MTUS2: variants seen among roughly 807,000 people sequenced by gnomAD.
The protein encoded by MTUS2 is microtubule associated scaffold protein 2, also known as microtubule-associated tumor suppressor candidate 2.
Under a neutral mutation model 114.1 loss-of-function variants are expected in MTUS2, and 40 were observed. That is an observed-to-expected ratio of 0.35 (90% CI 0.27 to 0.46). The LOEUF (loss-of-function observed/expected upper bound fraction) is 0.46, where lower values mean the gene tolerates loss of function less well. MTUS2 is among the 20% of genes least tolerant of loss of function. MTUS2 has a pLI of 1.00. For synonymous variants in MTUS2, 688 were observed against 672.0 expected, an observed-to-expected ratio of 1.02 and a Z score of -0.37; for missense variants, 1,679 against 1,705.4, an observed-to-expected ratio of 0.98 and a Z score of 0.27.
chr13:28,986,908 T>C (rs1264499412), intron 2 of MTUS2, among the ~76,000 whole-genome samples: 2 of 152,218 alleles, frequency 1.3e-5, no homozygotes, highest in African/African-American at 4.8e-5. Flanking sequence ...GGCTTCTGTA[T>C]TGGACACCAC....
chr13:29,030,740 A>G (rs1489668442), intron 3 of MTUS2, among the ~76,000 whole-genome samples: 1 of 152,122 alleles, frequency 6.6e-6, no homozygotes, highest in East Asian at 1.9e-4. Context: ...TTTTTTTTAA[A>G]TAAAATGAGA....
chr13:29,187,895 T>C (rs1369284612), intron 5 of MTUS2, among the ~76,000 whole-genome samples: 6 of 152,076 alleles, frequency 3.9e-5, no homozygotes, highest in African/African-American at 2.4e-5. Context: ...CCCAAACCTC[T>C]CCCATCTGTT....
At chr13:29,471,553 TGC>T (rs1880299416) in intron 9 of MTUS2, among the ~76,000 whole-genome samples, 2 of 151,908 alleles carry the variant, frequency 1.3e-5, no homozygotes, top group South Asian at 4.1e-4. Flanking sequence ...CCTTGCCCAC[TGC>T]TGCGGGAGAC....
At chr13:29,323,297 T>A (rs560222419) in intron 6 of MTUS2, among the ~76,000 whole-genome samples, 13 of 151,832 alleles carry the variant, frequency 8.6e-5, no homozygotes, top group Non-Finnish European at 1.6e-4. Context: ...TCTCCCAGGC[T>A]GGAGTGCAGT....
intron 8 of MTUS2, among the ~76,000 whole-genome samples, chr13:29,404,974 T>C (rs1371555050): frequency 1.3e-5 from 2 of 152,246 alleles, no homozygotes; most frequent in Admixed American, 6.5e-5. Flanking sequence ...TGACAAGTTC[T>C]TTTTATTTAA....
chr13:29,025,886 C>G lies in MTUS2; in HGVS notation c.1188C>G (p.Pro396=), dbSNP rs775953532. The change falls in exon 3 of 16, where the codon CCC becomes CCG. Residue 396 remains proline (P), a synonymous_variant. Coordinates refer to ENST00000612955, the MANE Select transcript of MTUS2 (RefSeq NM_001033602.4). The part of the protein sequence containing the change: ...PGEQDSLHTT[P]KQGSASLGGA... ...AGCAGGATTCTCTCCACACCACCCC[C>G]AAACAGGGCTCTGCTTCCTTAGGAG... The G allele has an allele frequency of 6.2e-6, 10 of 1,613,354 alleles. No homozygotes were observed. Among genetic ancestry groups the G allele is most frequent in the Admixed American group, 1.7e-5 (1 of 59,916 alleles).
intron 5 of MTUS2, among the ~76,000 whole-genome samples, chr13:29,194,121 G>T (rs28890204): frequency 0.083 from 12,527 of 150,148 alleles, 670 homozygotes; most frequent in African/African-American, 0.14. Flanking sequence ...TTAAACGTTA[G>T]ACCTAAAACC....
intron 5 of MTUS2, among the ~76,000 whole-genome samples, chr13:29,138,705 G>C (rs889863839): frequency 1.4e-5 from 2 of 148,038 alleles, no homozygotes; most frequent in Non-Finnish European, 1.5e-5. Context: ...TTTTTATATG[G>C]GTAAAATTTA....
At chr13:28,960,587 A>G (rs891149709) in intron 2 of MTUS2, among the ~76,000 whole-genome samples, 1 of 152,246 alleles carries the variant, frequency 6.6e-6, no homozygotes, top group Non-Finnish European at 1.5e-5. Flanking sequence ...GCTGAGTAAA[A>G]GAAGCCAGAC....
Position 29,371,981 on chromosome 13 carries a change from C to CA in MTUS2, c.3117+12508_3117+12509insA, listed in dbSNP as rs111990546. On this transcript the variant is annotated intron_variant, in intron 8 of 15. Coordinates refer to ENST00000612955, the MANE Select transcript of MTUS2 (RefSeq NM_001033602.4). ...CTTAAGTGTCCTCAACCCCCGCCCC[C>CA]CCCCCCACACACACACACAAGCACA... 3.7e-5 allele frequency among the ~76,000 whole-genome samples: 2 copies of CA among 53,530 alleles called. 1 individual carries two copies. The highest frequency in any genetic ancestry group is 8.9e-5 in the Non-Finnish European group (2 of 22,414). The allele number at this position is 53,530 out of a possible 152,430, so 35.1% of individuals were successfully genotyped here. A position where few individuals can be genotyped will look rare whatever the true frequency, so the allele number is the denominator to read the frequency against.
chr13:29,387,467 G>A (rs901528950), intron 8 of MTUS2, among the ~76,000 whole-genome samples: 1 of 152,168 alleles, frequency 6.6e-6, no homozygotes, highest in South Asian at 2.1e-4. Context: ...CTTCCCCTAA[G>A]AACAAGAGAA....
chr13:29,505,130 T>G lies in MTUS2; in HGVS notation c.*1924T>G. 4.3e-6 allele frequency: 1 copy of G among 231,992 alleles called. No homozygotes were observed. The allele number at this position is 231,992 out of a possible 1,614,324, so 14.4% of individuals were successfully genotyped here. On this transcript the variant is annotated 3_prime_UTR_variant, in exon 16 of 16. Coordinates refer to ENST00000612955, the MANE Select transcript of MTUS2 (RefSeq NM_001033602.4). ...CTGTGATATTGAGTTGGGCATTCCATTAGAGTAGATCTTGCCACATTGACT... is the reference window on the plus strand; with the variant it reads ...CTGTGATATTGAGTTGGGCATTCCAGTAGAGTAGATCTTGCCACATTGACT...
intron 2 of MTUS2, among the ~76,000 whole-genome samples, chr13:28,848,451 C>A (rs1200640640): frequency 6.6e-6 from 1 of 151,390 alleles, no homozygotes; most frequent in East Asian, 1.9e-4. Context: ...GTGTTAGATA[C>A]CCTAAGAATG....
At chr13:29,162,785 C>T (rs148610410) in intron 5 of MTUS2, among the ~76,000 whole-genome samples, 84 of 152,364 alleles carry the variant, frequency 5.5e-4, no homozygotes, top group African/African-American at 1.9e-3. Flanking sequence ...CTTCATTTCT[C>T]GCTTTCTGAT....
At chr13:29,036,733 G>C (rs1421046359) in intron 4 of MTUS2, among the ~76,000 whole-genome samples, 2 of 151,992 alleles carry the variant, frequency 1.3e-5, no homozygotes, top group Non-Finnish European at 2.9e-5. Flanking sequence ...AGCTCTTCTT[G>C]TTGCATTGAT....
chr13:29,438,569 A>G (rs1877593638), intron 8 of MTUS2, among the ~76,000 whole-genome samples: 1 of 152,030 alleles, frequency 6.6e-6, no homozygotes, highest in Non-Finnish European at 1.5e-5. Context: ...TTTATTCCTG[A>G]GGGCTCCACC....
chr13:29,403,612 G>A (rs1021969854), intron 8 of MTUS2, among the ~76,000 whole-genome samples: 14 of 152,190 alleles, frequency 9.2e-5, no homozygotes, highest in African/African-American at 3.1e-4. Flanking sequence ...AAAGGCTGAG[G>A]AAGAGAGAAC....
chr13:29,284,587 A>G (rs1011778685), intron 6 of MTUS2, among the ~76,000 whole-genome samples: 2 of 152,232 alleles, frequency 1.3e-5, no homozygotes. Context: ...AATTAAACAA[A>G]TGGAAGTAAT....
chr13:28,828,432 A>T (rs986195124), intron 1 of MTUS2, among the ~76,000 whole-genome samples: 1 of 152,234 alleles, frequency 6.6e-6, no homozygotes. Context: ...AAGTAAAGAC[A>T]GGCATAGGAA....
Sources: gnomAD v4.1 joint callset for allele counts (sites outside exome capture counted in the v4.1 genomes callset) on GRCh38, gnomAD v4.1.1 for gene constraint, MANE v1.5 for transcripts, NCBI Gene and HGNC (gene_info 2026-07-23, HGNC 2026-07-21) for gene names.